Variants in WDFY3 observed in about 807,000 individuals in gnomAD.
WDFY3 encodes WD repeat and FYVE domain containing 3.
Under a neutral mutation model 409.6 loss-of-function variants are expected in WDFY3, and 66 were observed. The ratio of observed to expected loss-of-function variants is 0.16; its 90% CI spans 0.13 to 0.20. WDFY3 has a LOEUF of 0.20. WDFY3 is among the 10% of genes least tolerant of loss of function. The pLI, the probability that WDFY3 is intolerant of heterozygous loss-of-function variation, is 1.00. For missense variants in WDFY3, 3,031 were observed against 4,298.1 expected, an observed-to-expected ratio of 0.71 and a Z score of 8.24; for synonymous variants, 1,521 against 1,537.1, an observed-to-expected ratio of 0.99 and a Z score of 0.25.
At position 84,794,677 on chromosome 4, in the gene WDFY3, T is replaced by C. The variant is rs1310000345; in HGVS notation, c.3329A>G (p.His1110Arg). ...GTGGTTATTTGGAGGAGAACTAAAATGTTCAATACAAAACCAGCTAGAGTA... is the reference window on the plus strand; with the variant it reads ...GTGGTTATTTGGAGGAGAACTAAAACGTTCAATACAAAACCAGCTAGAGTA... ...LSYSSWFCIE[H>R]FSSPPNNHPV... Residue 1110 changes from histidine to arginine, a missense_variant, in exon 21 of 68, where the codon CAT (histidine) becomes CGT (arginine). Physicochemically the swap from His to Arg is conservative, Grantham distance 29 (BLOSUM62 0). Around this residue, in one of 16 missense-constraint regions of WDFY3, gnomAD observed 1,322 missense variants for 1,697.9 expected, o/e 0.78. Transcript: ENST00000295888. 1.2e-6 allele frequency: 2 copies of C among 1,613,690 alleles called. No individual in the cohort carries two copies. The highest frequency in any genetic ancestry group is 1.1e-5 in the South Asian group (1 of 91,056).
rs1245354073 is a variant in WDFY3, at chr4:84,787,522, T to C, written c.3861A>G (p.Gly1287=). The change falls in exon 23 of 68, where the codon GGA becomes GGG. Residue 1287 remains glycine (G), a synonymous_variant. Transcript: ENST00000295888. ...CCTGAAAGCTTCCAACATAATTTGGTCCAAGTTCATAAATGGTAGTAACAT... is the reference window on the plus strand; with the variant it reads ...CCTGAAAGCTTCCAACATAATTTGGCCCAAGTTCATAAATGGTAGTAACAT... ...SSNVTTIYEL[G]PNYVGSFQAV... is the part of the protein sequence containing the mutation. The C allele has an allele frequency of 6.2e-7, 1 of 1,614,064 alleles. No homozygotes were observed. Among genetic ancestry groups the C allele is most frequent in the East Asian group, 2.2e-5 (1 of 44,890 alleles).
At chr4:84,806,065 C>T (rs879291435) in intron 15 of WDFY3, among the ~76,000 whole-genome samples, 81 of 152,106 alleles carry the variant, frequency 5.3e-4, no homozygotes, top group African/African-American at 1.8e-3. Context: ...GAGAGTGTTC[C>T]ACAAGCCATA....
rs552359364 is a variant in WDFY3, at chr4:84,816,166, T to C, written c.1887+1226A>G. 3.3e-5 allele frequency among the ~76,000 whole-genome samples: 5 copies of C among 152,278 alleles called. No individual in the cohort carries two copies. The East Asian group carries it at 9.6e-4, about 29-fold the overall frequency. On this transcript the variant is annotated intron_variant, in intron 13 of 67. Coordinates refer to ENST00000295888, the MANE Select transcript of WDFY3 (RefSeq NM_014991.6). ...GGCCTGAATCCTTACAACGGAAAAT[T>C]GTATTTAGAAACCTTGCATCAATCA...
chr4:84,696,857 AG>A, intron 56 of WDFY3, 34 bp from the exon 57 acceptor site: 1 of 1,545,026 alleles, frequency 6.5e-7, no homozygotes, highest in Non-Finnish European at 8.9e-7. Flanking sequence ...ATAAAAAAAA[AG>A]AAAGAATGGG....
chr4:84,694,045 C>T (rs984454000), intron 58 of WDFY3, among the ~76,000 whole-genome samples: 1 of 151,896 alleles, frequency 6.6e-6, no homozygotes, highest in Middle Eastern at 3.4e-3. Context: ...AAGATAAATA[C>T]GACACCATCA....
At chr4:84,748,590 C>A (rs940007694) in intron 36 of WDFY3, among the ~76,000 whole-genome samples, 3 of 152,128 alleles carry the variant, frequency 2.0e-5, no homozygotes, top group Non-Finnish European at 4.4e-5. Flanking sequence ...TACTCTCAAA[C>A]CCATGCTCTA....
chr4:84,781,663 G>C (rs1746542352), intron 25 of WDFY3, among the ~76,000 whole-genome samples: 1 of 152,136 alleles, frequency 6.6e-6, no homozygotes, highest in Non-Finnish European at 1.5e-5. Context: ...GAGCTTAACT[G>C]TATGGCATAA....
chr4:84,762,759 A>C (rs970849222), intron 32 of WDFY3, among the ~76,000 whole-genome samples: 2 of 152,136 alleles, frequency 1.3e-5, no homozygotes, highest in African/African-American at 4.8e-5. Context: ...CTTAATTAGA[A>C]TGGCTTAATT....
intron 38 of WDFY3, among the ~76,000 whole-genome samples, chr4:84,741,316 GTTT>G (rs879900100): frequency 7.1e-6 from 1 of 140,558 alleles, no homozygotes; most frequent in Non-Finnish European, 1.6e-5. Context: ...TCTCTATTCA[GTTT>G]TTTTTTTTTT....
chr4:84,730,553 G>T (rs949039596), intron 44 of WDFY3, among the ~76,000 whole-genome samples: 7 of 152,142 alleles, frequency 4.6e-5, no homozygotes, highest in African/African-American at 1.7e-4. Flanking sequence ...CAGCCTAGAA[G>T]GGGTTCCTTA....
intron 61 of WDFY3, among the ~76,000 whole-genome samples, chr4:84,689,907 T>C (rs1728974811): frequency 6.6e-6 from 1 of 152,174 alleles, no homozygotes; most frequent in Admixed American, 6.5e-5. Flanking sequence ...TGCTCCTTAT[T>C]TAAAAAATAC....
intron 22 of WDFY3, 100 bp downstream of exon 22, chr4:84,789,625 TC>T: frequency 8.3e-7 from 1 of 1,207,608 alleles, no homozygotes. Context: ...TTTAAAAATA[TC>T]CCTGTAACAC....
At position 84,691,422 on chromosome 4, in the gene WDFY3, G is replaced by A. The variant is rs3747681; in HGVS notation, c.9204+209C>T. Among the ~76,000 whole-genome samples the A allele has an allele frequency of 0.067, 10,135 of 152,182 alleles. 463 individuals carry two copies. Among genetic ancestry groups the A allele is most frequent in the Admixed American group, 0.12 (1,907 of 15,288 alleles). ...TTTGCAAAAGAGGCTTGTTCTGCAG[G>A]GAACATGACATCTCTATGAGCTCCT... On this transcript the variant is annotated intron_variant, in intron 60 of 67. Coordinates refer to ENST00000295888, the MANE Select transcript of WDFY3 (RefSeq NM_014991.6).
intron 1 of WDFY3, among the ~76,000 whole-genome samples, chr4:84,939,468 G>C (rs1430542574): frequency 6.6e-6 from 1 of 152,096 alleles, no homozygotes; most frequent in East Asian, 1.9e-4. Context: ...CCCTCATTTA[G>C]TTATGACTCT....
At chr4:84,807,288 A>G (rs890214794) in intron 15 of WDFY3, among the ~76,000 whole-genome samples, 2 of 152,178 alleles carry the variant, frequency 1.3e-5, no homozygotes, top group Non-Finnish European at 2.9e-5. Flanking sequence ...ATACTGAACA[A>G]TCCTATATTC....
intron 30 of WDFY3, among the ~76,000 whole-genome samples, chr4:84,766,984 A>C (rs1317170827): frequency 6.6e-6 from 1 of 152,196 alleles, no homozygotes. Flanking sequence ...GCTCTCCTCC[A>C]GCAGAGCTAT....
chr4:84,905,634 G>T (rs1314366166), intron 2 of WDFY3, among the ~76,000 whole-genome samples: 2 of 152,204 alleles, frequency 1.3e-5, no homozygotes, highest in East Asian at 3.9e-4. Context: ...GTGCTTTGGG[G>T]GCTAGAGGAC....
At chr4:84,838,457 A>G (rs753549307) in intron 6 of WDFY3, among the ~76,000 whole-genome samples, 2 of 152,218 alleles carry the variant, frequency 1.3e-5, no homozygotes, top group Non-Finnish European at 2.9e-5. Context: ...GTTACAAACA[A>G]AAAGTAAAAG....
chr4:84,929,471 C>G lies in WDFY3; in HGVS notation c.-132+2799G>C, dbSNP rs185482034. The stretch of plus-strand genomic sequence containing the variant: ...TGTAGGGCAATAGATTGAATTGCGC[C>G]CCCCCCCCCAAATTCATACGTTGAA... On this transcript the variant is annotated intron_variant, in intron 2 of 67. Coordinates refer to ENST00000295888, the MANE Select transcript of WDFY3 (RefSeq NM_014991.6). Among the ~76,000 whole-genome samples the G allele has an allele frequency of 3.5e-3, 497 of 140,672 alleles. 7 individuals are homozygous for G. In the East Asian group the frequency reaches 0.044, roughly 12 times the overall value. The allele number at this position is 140,672 out of a possible 152,430, so 92.3% of individuals were successfully genotyped here. A position where few individuals can be genotyped will look rare whatever the true frequency, so the allele number is the denominator to read the frequency against.
Sources: allele counts gnomAD v4.1 joint callset (sites outside exome capture counted in the v4.1 genomes callset), GRCh38; gene constraint gnomAD v4.1.1; regional missense constraint gnomAD v4.1.1; transcripts MANE v1.5; gene names NCBI Gene and HGNC (gene_info 2026-07-23, HGNC 2026-07-21).